PLPPR1: variants seen among roughly 807,000 people sequenced by gnomAD.
PLPPR1 encodes the protein phospholipid phosphatase related 1.
PLPPR1 carries 10 observed loss-of-function variants against 33.1 expected under a neutral mutation model. The ratio of observed to expected loss-of-function variants is 0.30; its 90% CI spans 0.19 to 0.51. PLPPR1 has a LOEUF of 0.51. Among genes scored for constraint, PLPPR1 ranks in the 20% least tolerant of loss-of-function variants. The pLI is 0.97. For missense variants in PLPPR1, 304 were observed against 408.1 expected (o/e 0.74, Z 2.20); for synonymous variants, 151 against 151.0 (o/e 1.00, Z 0.00).
chr9:101,205,957 A>G (rs932025152), intron 2 of PLPPR1, among the ~76,000 whole-genome samples: 8 of 152,322 alleles, frequency 5.3e-5, no homozygotes, highest in African/African-American at 1.4e-4. Context: ...GATATGATCT[A>G]TATCTCCTCA....
At chr9:101,130,105 T>A (rs1224327379) in intron 1 of PLPPR1, among the ~76,000 whole-genome samples, 3 of 152,198 alleles carry the variant, frequency 2.0e-5, no homozygotes, top group Non-Finnish European at 4.4e-5. Flanking sequence ...GATGGATTCA[T>A]GGGTATATAC....
At chr9:101,076,823 T>C (rs897014236) in intron 1 of PLPPR1, among the ~76,000 whole-genome samples, 1 of 152,248 alleles carries the variant, frequency 6.6e-6, no homozygotes, top group Admixed American at 6.5e-5. Context: ...ATAAAATTCC[T>C]CTGGATATTT....
intron 2 of PLPPR1, among the ~76,000 whole-genome samples, chr9:101,191,606 A>C (rs1186457762): frequency 6.6e-6 from 1 of 152,212 alleles, no homozygotes; most frequent in Non-Finnish European, 1.5e-5. Context: ...TCTGAAAAAC[A>C]GGAATGTAAA....
intron 4 of PLPPR1, among the ~76,000 whole-genome samples, chr9:101,297,911 T>C (rs1291121755): frequency 6.6e-6 from 1 of 152,164 alleles, no homozygotes; most frequent in African/African-American, 2.4e-5. Context: ...TCAGTGGCAA[T>C]GACTAAGTAA....
intron 1 of PLPPR1, among the ~76,000 whole-genome samples, chr9:101,111,968 C>T (rs1209528111): frequency 6.6e-6 from 1 of 152,182 alleles, no homozygotes; most frequent in Non-Finnish European, 1.5e-5. Flanking sequence ...GCTTCAGCCT[C>T]ACCTCCTCCC....
chr9:101,217,911 A>T (rs1350241450), intron 2 of PLPPR1, among the ~76,000 whole-genome samples: 1 of 152,152 alleles, frequency 6.6e-6, no homozygotes, highest in Non-Finnish European at 1.5e-5. Context: ...AGAAATGCTC[A>T]CTCCAAGCAT....
At chr9:101,285,993 T>A in intron 3 of PLPPR1, 111 bp from the exon 4 acceptor site, 1 of 772,134 alleles carries the variant, frequency 1.3e-6, no homozygotes, top group East Asian at 2.5e-5. Flanking sequence ...CTCTCCAACA[T>A]CTTTTAAAAT....
At position 101,285,322 on chromosome 9, in the gene PLPPR1, C is replaced by A. The variant is rs113323960; in HGVS notation, c.253-782C>A. Among the ~76,000 whole-genome samples, 488 of 151,262 alleles carry A rather than the reference C, an allele frequency of 3.2e-3. 1 individual carries two copies. The highest frequency in any genetic ancestry group is 5.5e-3 in the Non-Finnish European group (376 of 67,994). ...TCCCTGCTATTAGGGGGCTTCTAAT[C>A]TACCTAAGGGCATTATAATTTAAAG... On this transcript the variant is annotated intron_variant, in intron 3 of 7. Coordinates refer to ENST00000374874, the MANE Select transcript of PLPPR1 (RefSeq NM_207299.2).
chr9:101,183,551 G>A (rs188188314), intron 1 of PLPPR1, among the ~76,000 whole-genome samples: 8 of 151,760 alleles, frequency 5.3e-5, no homozygotes, highest in Admixed American at 6.6e-5. Flanking sequence ...AATTCTTTTA[G>A]GGGTGATTAA....
At chr9:101,290,410 A>T (rs1180150557) in intron 4 of PLPPR1, among the ~76,000 whole-genome samples, 2 of 152,190 alleles carry the variant, frequency 1.3e-5, no homozygotes, top group African/African-American at 4.8e-5. Flanking sequence ...TCCACATTGC[A>T]AAAAAGGCCA....
chr9:101,264,607 T>A (rs1224933314), intron 2 of PLPPR1, among the ~76,000 whole-genome samples: 1 of 152,196 alleles, frequency 6.6e-6, no homozygotes, highest in East Asian at 1.9e-4. Context: ...TGTCTGAGAA[T>A]TCCTCACCTT....
chr9:101,247,179 C>T (rs1248500186), intron 2 of PLPPR1, among the ~76,000 whole-genome samples: 1 of 152,012 alleles, frequency 6.6e-6, no homozygotes, highest in Non-Finnish European at 1.5e-5. Context: ...GACAAGACTC[C>T]TTCCTGAAGC....
chr9:101,323,309 A>G (rs959342025), intron 7 of PLPPR1, among the ~76,000 whole-genome samples: 2 of 152,188 alleles, frequency 1.3e-5, no homozygotes, highest in South Asian at 4.2e-4. Context: ...AGCCTGGGCA[A>G]CATAGTGAGA....
At position 101,148,485 on chromosome 9, in the gene PLPPR1, C is replaced by A. The variant is rs532652095; in HGVS notation, c.-45-36965C>A. ...AACTGTTTCTTCAGCTCTCTTGTTGCCTCATGGAATTAATCTCCAACATTC... is the reference window on the plus strand; with the variant it reads ...AACTGTTTCTTCAGCTCTCTTGTTGACTCATGGAATTAATCTCCAACATTC... On this transcript the variant is annotated intron_variant, in intron 1 of 7. Coordinates refer to ENST00000374874, the MANE Select transcript of PLPPR1 (RefSeq NM_207299.2). 5.3e-5 allele frequency among the ~76,000 whole-genome samples: 8 copies of A among 152,244 alleles called. 1 individual carries two copies. The South Asian group carries it at 1.7e-3, about 32-fold the overall frequency.
intron 1 of PLPPR1, among the ~76,000 whole-genome samples, chr9:101,138,983 C>A (rs982400230): frequency 6.6e-6 from 1 of 152,064 alleles, no homozygotes; most frequent in African/African-American, 2.4e-5. Context: ...GGGAAGAGGT[C>A]TCCAGCAACT....
At chr9:101,058,969 C>T (rs1461908440) in intron 1 of PLPPR1, among the ~76,000 whole-genome samples, 3 of 152,150 alleles carry the variant, frequency 2.0e-5, no homozygotes, top group African/African-American at 7.2e-5. Flanking sequence ...GTCCATATTA[C>T]TCCCACCTAA....
chr9:101,108,839 A>G (rs951968635), intron 1 of PLPPR1, among the ~76,000 whole-genome samples: 2 of 152,174 alleles, frequency 1.3e-5, no homozygotes, highest in African/African-American at 2.4e-5. Context: ...TTAATATGCA[A>G]TGGGTTTATT....
intron 1 of PLPPR1, among the ~76,000 whole-genome samples, chr9:101,098,277 A>G (rs1031970820): frequency 2.0e-5 from 3 of 152,040 alleles, no homozygotes; most frequent in Admixed American, 6.6e-5. Flanking sequence ...GCACTCGTGG[A>G]CTTGTGTCCT....
chr9:101,061,762 A>G (rs1010662646), intron 1 of PLPPR1, among the ~76,000 whole-genome samples: 1 of 152,010 alleles, frequency 6.6e-6, no homozygotes, highest in Non-Finnish European at 1.5e-5. Flanking sequence ...TGTAACTGGC[A>G]CATAGCAGAT....
Sources: allele counts gnomAD v4.1 joint callset (sites outside exome capture counted in the v4.1 genomes callset), GRCh38; gene constraint gnomAD v4.1.1; transcripts MANE v1.5; gene names NCBI Gene and HGNC (gene_info 2026-07-23, HGNC 2026-07-21).